The following LFNG variants were observed in gnomAD, a reference collection of about 807,000 sequenced individuals.
LFNG encodes the protein beta-1,3-N-acetylglucosaminyltransferase lunatic fringe.
A neutral mutation model predicts 32.7 loss-of-function variants in LFNG; 15 were observed. That is an observed-to-expected ratio of 0.46 (90% CI 0.31 to 0.71). The LOEUF is 0.71. Ranked by LOEUF, LFNG falls within the 30% of genes least tolerant of loss-of-function variation. The pLI is 0.06. For synonymous variants in LFNG, 274 were observed against 246.8 expected (o/e 1.11, Z -1.03); for missense variants, 520 against 545.7 (o/e 0.95, Z 0.47).
downstream of LFNG, chr7:2,528,795 G>T: frequency 3.1e-6 from 2 of 654,606 alleles, no homozygotes; most frequent in South Asian, 3.3e-5. Flanking sequence ...TGACTCCTGT[G>T]ACCGGGCCTG....
upstream of LFNG, among the ~76,000 whole-genome samples, chr7:2,514,169 G>A (rs942943682): frequency 6.6e-6 from 1 of 152,214 alleles, no homozygotes; most frequent in African/African-American, 2.4e-5. Flanking sequence ...GCCCTGTGCG[G>A]GCTCAGAGGC....
chr7:2,525,561 C>G lies in LFNG; in HGVS notation c.729C>G (p.Asn243Lys). The change falls in exon 4 of 8, where the codon AAC becomes AAG. Residue 243 changes from asparagine (N) to lysine (K), a missense_variant. By Grantham distance (94) the Asn-to-Lys change is moderately conservative. This residue lies in a region of LFNG where 360 missense variants were observed against 354.7 expected (regional missense o/e 1.01). Transcript: ENST00000222725. ...AGGCCATGGAGCGGGTCAGCGAGAACAAGGTGGTGAGTGCCTGCCCCTCCC... is the reference window on the plus strand; with the variant it reads ...AGGCCATGGAGCGGGTCAGCGAGAAGAAGGTGGTGAGTGCCTGCCCCTCCC... ...PIQAMERVSE[N>K]KVRPVHFWFA... is the part of the protein sequence containing the mutation. 6 of 1,612,406 alleles carry G rather than the reference C, an allele frequency of 3.7e-6. No individual in the cohort carries two copies. Among genetic ancestry groups the G allele is most frequent in the Non-Finnish European group, 5.1e-6 (6 of 1,179,808 alleles).
At chr7:2,516,825 A>G (rs2128373893), upstream of LFNG, among the ~76,000 whole-genome samples, 1 of 152,314 alleles carries the variant, frequency 6.6e-6, no homozygotes, top group Admixed American at 6.5e-5. Flanking sequence ...TCTGGATGGT[A>G]TGTCATCCTT....
rs62444251 is a variant in LFNG at position 2,525,945 on chromosome 7, G to A, written c.821+175G>A. On this transcript the variant is annotated intron_variant, in intron 5 of 7. Transcript: ENST00000222725. ...TTCAGAGGGCAGCTGTGTTTACGGC[G>A]GCTGCCCCCAAGCCTGACCTGCTCA... is the stretch of plus-strand genomic sequence containing the variant. Among the ~76,000 whole-genome samples, 1,410 of 152,314 alleles carry A rather than the reference G, an allele frequency of 9.3e-3. 13 individuals carry two copies. Among genetic ancestry groups the A allele is most frequent in the South Asian group, 0.033 (160 of 4,832 alleles).
At position 2,526,932 on chromosome 7, in the gene LFNG, C is replaced by G; in HGVS notation, c.1073+11C>G. 1.2e-6 allele frequency: 2 copies of G among 1,611,748 alleles called. No homozygotes were observed. The highest frequency in any genetic ancestry group is 1.1e-5 in the South Asian group (1 of 90,930). On this transcript the variant is annotated intron_variant, in intron 7 of 7. Coordinates refer to ENST00000222725, the MANE Select transcript of LFNG (RefSeq NM_001040167.2). The surrounding 1 kb of genome is among the most constrained non-coding windows in gnomAD (Gnocchi z 6.9). ...GGCCGACCCATCCAGGTAAGGAAAC[C>G]CCGGCCCAGATGGGCTTGCGTAGGG...
chr7:2,516,726 G>A (rs1779636473), upstream of LFNG, among the ~76,000 whole-genome samples: 1 of 152,212 alleles, frequency 6.6e-6, no homozygotes, highest in Non-Finnish European at 1.5e-5. Context: ...GCCCCAAACT[G>A]GGACTGGTGG....
At chr7:2,523,569 G>T (rs1779851933) in intron 1 of LFNG, 1 of 152,246 alleles carries the variant, frequency 6.6e-6, no homozygotes, top group South Asian at 2.1e-4. Context: ...GCACGCGCTG[G>T]GCGGGCCGGG....
chr7:2,517,573 G>A (rs916358287), upstream of LFNG: 26 of 412,916 alleles, frequency 6.3e-5, no homozygotes, highest in African/African-American at 4.0e-4. Flanking sequence ...CAGGAGTTGC[G>A]GGGGTGGGGC....
At chr7:2,514,764 A>G (rs1462291299), upstream of LFNG, among the ~76,000 whole-genome samples, 5 of 150,512 alleles carry the variant, frequency 3.3e-5, no homozygotes, top group African/African-American at 9.8e-5. Flanking sequence ...CCATGCATCC[A>G]TCTGTCCATT....
rs1562555075 is a variant in LFNG at position 2,526,201 on chromosome 7, GCTCCCGCCT to G, written c.822-40_822-32del. 2 of 1,606,666 alleles carry G rather than the reference GCTCCCGCCT, an allele frequency of 1.2e-6. No individual in the cohort carries two copies. The highest frequency in any genetic ancestry group is 3.3e-5 in the Admixed American group (2 of 59,986). ...GGGCCTCCCCAGCTCCCAGCAGATG[GCTCCCGCCT>G]CTGCTCACTGGTCTGGGCCCTTCCC... is the stretch of plus-strand genomic sequence containing the variant. On this transcript the variant is annotated intron_variant, in intron 5 of 7. Coordinates refer to ENST00000222725, the MANE Select transcript of LFNG (RefSeq NM_001040167.2). This position sits in a 1 kb window ranked among gnomAD's most constrained non-coding sequence, Gnocchi z 6.9.
rs1779729504 is a variant in LFNG at position 2,519,782 on chromosome 7, G to T, written c.-80G>T. On this transcript the variant is annotated 5_prime_UTR_variant, in exon 1 of 8. Transcript: ENST00000222725. ...GACACTGGTGCTGCGCTGCTGGACTGCGCCGCCGGAGCGACGGGCTTCGGG... is the reference window on the plus strand; with the variant it reads ...GACACTGGTGCTGCGCTGCTGGACTTCGCCGCCGGAGCGACGGGCTTCGGG... The T allele has an allele frequency of 1.2e-6, 1 of 855,170 alleles. No individual in the cohort carries two copies. The highest frequency in any genetic ancestry group is 1.4e-6 in the Non-Finnish European group (1 of 706,160). The allele number at this position is 855,170 out of a possible 1,614,324, so 53.0% of individuals were successfully genotyped here.
intron 1 of LFNG, among the ~76,000 whole-genome samples, chr7:2,522,021 G>A (rs1779806999): frequency 6.6e-6 from 1 of 152,190 alleles, no homozygotes; most frequent in African/African-American, 2.4e-5. Context: ...CCCCCTTGTG[G>A]TGGGTGATGG....
At chr7:2,522,890 C>T (rs11762873) in intron 1 of LFNG, among the ~76,000 whole-genome samples, 1 of 152,238 alleles carries the variant, frequency 6.6e-6, no homozygotes, top group Non-Finnish European at 1.5e-5. Context: ...GAAGACGAGA[C>T]TGAGGCTCTG....
chr7:2,520,066 C>G lies in LFNG; in HGVS notation c.205C>G (p.Arg69Gly). ...AAAAAPGALVRDVHSLSEYFS... is the reference protein window; with the variant it reads ...AAAAAPGALVGDVHSLSEYFS... ...GGCGGCGGCGCCCGGGGCGCTGGTC[C>G]GCGACGTGCACAGTCTGTCCGAGTA... The change falls in exon 1 of 8, where the codon CGC becomes GGC. Residue 69 changes from arginine to glycine, a missense_variant. Physicochemically the swap from Arg to Gly is moderately radical, Grantham distance 125. Transcript: ENST00000222725. The surrounding 1 kb of genome is among the most constrained non-coding windows in gnomAD (Gnocchi z 5.0). The G allele has an allele frequency of 8.3e-7, 1 of 1,200,286 alleles. No individual in the cohort carries two copies. The highest frequency in any genetic ancestry group is 1.0e-6 in the Non-Finnish European group (1 of 962,818). The allele number at this position is 1,200,286 out of a possible 1,614,324, so 74.4% of individuals were successfully genotyped here. A position where few individuals can be genotyped will look rare whatever the true frequency, so the allele number is the denominator to read the frequency against.
chr7:2,527,760 A>G lies in LFNG; in HGVS notation c.*548A>G. On this transcript the variant is annotated 3_prime_UTR_variant, in exon 8 of 8. Coordinates refer to ENST00000222725, the MANE Select transcript of LFNG (RefSeq NM_001040167.2). This position sits in a 1 kb window ranked among gnomAD's most constrained non-coding sequence, Gnocchi z 4.4. ...CCTGGCCTGGACGCTGTGGCTTAAG[A>G]GTAACAGCAGCCACCGCCCAGTTCC... 9.9e-7 allele frequency: 1 copy of G among 1,013,796 alleles called. No individual in the cohort carries two copies. Among genetic ancestry groups the G allele is most frequent in the Non-Finnish European group, 1.2e-6 (1 of 845,384 alleles). 62.8% of individuals were successfully genotyped at this position (1,013,796 alleles called of 1,614,324 possible).
intron 1 of LFNG, among the ~76,000 whole-genome samples, chr7:2,522,958 AGGTGTC>A (rs1253798152): frequency 1.4e-4 from 21 of 152,308 alleles, no homozygotes; most frequent in Middle Eastern, 3.4e-3. Context: ...CTGGTGGCTC[AGGTGTC>A]GGGAGACAGT....
At chr7:2,524,810 G>C in intron 2 of LFNG, 67 bp downstream of exon 2, 1 of 1,422,454 alleles carries the variant, frequency 7.0e-7, no homozygotes, top group Non-Finnish European at 9.7e-7. Flanking sequence ...TCCCCCTCCA[G>C]TCTCCCTGCC....
In LFNG at chr7:2,526,800, G is replaced by T; in HGVS notation, c.988-36G>T. 1 of 1,600,626 alleles carries T rather than the reference G, an allele frequency of 6.2e-7. No homozygotes were observed. The highest frequency in any genetic ancestry group is 8.5e-7 in the Non-Finnish European group (1 of 1,169,922). On this transcript the variant is annotated intron_variant, in intron 6 of 7. Transcript: ENST00000222725. This position sits in a 1 kb window ranked among gnomAD's most constrained non-coding sequence, Gnocchi z 6.9. The stretch of plus-strand genomic sequence containing the variant: ...CCTGGGGCGGGGCCCAGGGATGTCG[G>T]GCCCCTCCCGGCATCACTCCGCCCG...
At chr7:2,525,660 C>T (rs1219881801) in intron 4 of LFNG, 25 bp from the exon 5 acceptor site, 1 of 1,612,880 alleles carries the variant, frequency 6.2e-7, no homozygotes, top group African/African-American at 1.3e-5. Context: ...GCCTGGGTCT[C>T]AGGACACCTT....
Sources: allele counts gnomAD v4.1 joint callset (sites outside exome capture counted in the v4.1 genomes callset), GRCh38; gene constraint gnomAD v4.1.1; regional missense constraint gnomAD v4.1.1; non-coding constraint Gnocchi (gnomAD v3.1); transcripts MANE v1.5; gene names NCBI Gene and HGNC (gene_info 2026-07-23, HGNC 2026-07-21).